Variants in LDLRAD4 observed in about 807,000 individuals in gnomAD.
LDLRAD4 encodes low density lipoprotein receptor class A domain containing 4.
In LDLRAD4, 5 loss-of-function variants were observed where a neutral mutation model predicts 17.0. The ratio of observed to expected loss-of-function variants is 0.29; its 90% confidence interval spans 0.15 to 0.62. The LOEUF (loss-of-function observed/expected upper bound fraction) is 0.62, where lower values mean the gene tolerates loss of function less well. LDLRAD4 is among the 20% of genes least tolerant of loss of function. The pLI, the probability that LDLRAD4 is intolerant of heterozygous loss-of-function variation, is 0.84. For synonymous variants in LDLRAD4, 168 were observed against 171.8 expected, an observed-to-expected ratio of 0.98 and a Z score of 0.17; for missense variants, 340 against 424.7, an observed-to-expected ratio of 0.80 and a Z score of 1.75.
chr18:13,630,738 G>A (rs2041588975), intron 4 of LDLRAD4, among the ~76,000 whole-genome samples: 1 of 152,256 alleles, frequency 6.6e-6, no homozygotes, highest in South Asian at 2.1e-4. Context: ...TTGCCATGAA[G>A]AACAGTAAGA....
At chr18:13,232,097 C>T (rs895182336) in intron 1 of LDLRAD4, among the ~76,000 whole-genome samples, 1 of 152,344 alleles carries the variant, frequency 6.6e-6, no homozygotes, top group East Asian at 1.9e-4. Flanking sequence ...AGGGGGCACC[C>T]CGTGAAGCTC....
At chr18:13,538,522 T>A (rs553915197) in intron 3 of LDLRAD4, among the ~76,000 whole-genome samples, 246 of 144,776 alleles carry the variant, frequency 1.7e-3, no homozygotes, top group Admixed American at 2.5e-3. Context: ...AAAATTTTGA[T>A]GTCTATGATT....
At chr18:13,501,700 G>A (rs2093617281) in intron 3 of LDLRAD4, among the ~76,000 whole-genome samples, 1 of 151,862 alleles carries the variant, frequency 6.6e-6, no homozygotes, top group Admixed American at 6.6e-5. Context: ...GGAGAAACAT[G>A]ACGTGCCTGT....
chr18:13,609,530 C>CGT (rs72225166), intron 3 of LDLRAD4, among the ~76,000 whole-genome samples: 5,061 of 149,516 alleles, frequency 0.034, 100 homozygotes, highest in East Asian at 0.078. Context: ...TGTGTGTGTG[C>CGT]GTGTGTGTGT....
rs548334690 is a variant in LDLRAD4, at chr18:13,264,613, C to T, written c.-466-13492C>T. ...CGGAGTAGATGTTGTCCTGTGCTTCCTTCCCATGTGGGACTGCCATGCAGG... is the reference window on the plus strand; with the variant it reads ...CGGAGTAGATGTTGTCCTGTGCTTCTTTCCCATGTGGGACTGCCATGCAGG... On this transcript the variant is annotated intron_variant, in intron 1 of 5. Transcript: ENST00000399848. Among the ~76,000 whole-genome samples the T allele has an allele frequency of 3.9e-5, 6 of 152,372 alleles. No individual in the cohort carries two copies. The South Asian group carries it at 1.0e-3, about 26-fold the overall frequency.
chr18:13,383,552 G>A (rs527781751), intron 1 of LDLRAD4, among the ~76,000 whole-genome samples: 1 of 152,224 alleles, frequency 6.6e-6, no homozygotes, highest in Non-Finnish European at 1.5e-5. Context: ...TGGAGGGACG[G>A]CCGGCAAGCA....
chr18:13,224,474 CTTTTTTT>C (rs10676168), intron 1 of LDLRAD4, among the ~76,000 whole-genome samples: 8 of 87,886 alleles, frequency 9.1e-5, no homozygotes, highest in South Asian at 9.4e-4. Context: ...TTCTTTCTTT[CTTTTTTT>C]TTTTTTTTTT....
intron 1 of LDLRAD4, among the ~76,000 whole-genome samples, chr18:13,356,799 A>C (rs1008474768): frequency 6.6e-6 from 1 of 152,160 alleles, no homozygotes. Context: ...TTATCATCCA[A>C]ATTTGAGCTA....
intron 1 of LDLRAD4, among the ~76,000 whole-genome samples, chr18:13,357,295 A>T (rs2083402293): frequency 6.6e-6 from 1 of 151,538 alleles, no homozygotes; most frequent in Non-Finnish European, 1.5e-5. Context: ...TGCAGGCTGG[A>T]CTCCTGGGCT....
intron 3 of LDLRAD4, among the ~76,000 whole-genome samples, chr18:13,545,276 C>T (rs1050657350): frequency 6.6e-5 from 10 of 152,122 alleles, no homozygotes; most frequent in Middle Eastern, 3.2e-3. Context: ...GAGCTGCGCA[C>T]GTTCAGGGCA....
chr18:13,477,255 C>G (rs1940909), intron 3 of LDLRAD4, among the ~76,000 whole-genome samples: 4 of 152,088 alleles, frequency 2.6e-5, no homozygotes, highest in African/African-American at 9.7e-5. Context: ...GCTGGGGCCC[C>G]GACCTTCCTG....
At chr18:13,473,097 A>T (rs142523885) in intron 3 of LDLRAD4, among the ~76,000 whole-genome samples, 314 of 151,100 alleles carry the variant, frequency 2.1e-3, no homozygotes, top group Non-Finnish European at 3.6e-3. Flanking sequence ...AGCACATCAG[A>T]TGGATTGAAG....
At chr18:13,262,496 G>A (rs1282530189) in intron 1 of LDLRAD4, among the ~76,000 whole-genome samples, 2 of 133,796 alleles carry the variant, frequency 1.5e-5, no homozygotes, top group African/African-American at 3.0e-5. Flanking sequence ...GGCCCTGTGC[G>A]TGGAAACTGA....
intron 1 of LDLRAD4, among the ~76,000 whole-genome samples, chr18:13,350,507 A>G (rs1243878693): frequency 3.9e-5 from 6 of 152,096 alleles, no homozygotes; most frequent in South Asian, 2.1e-4. Flanking sequence ...TTTCTTGTAC[A>G]TTTGTTTAAG....
intron 1 of LDLRAD4, among the ~76,000 whole-genome samples, chr18:13,382,159 T>A (rs1001327050): frequency 6.6e-6 from 1 of 152,276 alleles, no homozygotes; most frequent in African/African-American, 2.4e-5. Context: ...CTTTATGCAC[T>A]ACGGTTTTTT....
chr18:13,385,699 AT>A lies in LDLRAD4; in HGVS notation c.-382-1640del, dbSNP rs2085746535. 2.6e-5 allele frequency among the ~76,000 whole-genome samples: 4 copies of A among 152,330 alleles called. No homozygotes were observed. In the South Asian group the frequency reaches 8.3e-4, roughly 32 times the overall value. ...CTTCTGTTTTTATCTGGCAGGATAA[AT>A]TCCATTTCCCAAAGTTCATGATGCT... On this transcript the variant is annotated intron_variant, in intron 1 of 5. Transcript: ENST00000359446.
At chr18:13,487,104 G>A (rs1339539875) in intron 3 of LDLRAD4, 1 of 152,214 alleles carries the variant, frequency 6.6e-6, no homozygotes, top group African/African-American at 2.4e-5. Context: ...TTAAATAGGG[G>A]TCTTTTTTCC....
At position 13,641,798 on chromosome 18, in the gene LDLRAD4, T is replaced by C. The variant is rs540121320; in HGVS notation, c.337-1561T>C. On this transcript the variant is annotated intron_variant, in intron 4 of 5. Transcript: ENST00000359446. Reference sequence around the variant, plus strand: ...CGCAGCCGGACTGGACGGCGGCTCCTGTGGGCACTTGGCCGGGTTTGCTGG... The same window carrying C: ...CGCAGCCGGACTGGACGGCGGCTCCCGTGGGCACTTGGCCGGGTTTGCTGG... 67 of 985,724 alleles carry C rather than the reference T, an allele frequency of 6.8e-5. 1 individual carries two copies. In the Middle Eastern group the frequency reaches 2.6e-3, roughly 38 times the overall value. The allele number at this position is 985,724 out of a possible 1,614,324, so 61.1% of individuals were successfully genotyped here.
At chr18:13,345,800 G>C (rs2144211040) in intron 1 of LDLRAD4, among the ~76,000 whole-genome samples, 1 of 152,228 alleles carries the variant, frequency 6.6e-6, no homozygotes, top group Admixed American at 6.5e-5. Context: ...TCCTGGTTTA[G>C]TCTTGGGAGG....
Sources: allele counts gnomAD v4.1 joint callset (sites outside exome capture counted in the v4.1 genomes callset), GRCh38; gene constraint gnomAD v4.1.1; transcripts MANE v1.5; gene names NCBI Gene and HGNC (gene_info 2026-07-23, HGNC 2026-07-21).